Variants in FRYL observed in about 807,000 individuals in gnomAD.
FRYL encodes the protein FRY like transcription coactivator.
Under a neutral mutation model 351.2 loss-of-function variants are expected in FRYL, and 150 were observed. That is an observed-to-expected ratio of 0.43 (90% CI 0.37 to 0.49). The LOEUF (loss-of-function observed/expected upper bound fraction) is 0.49, where lower values mean the gene tolerates loss of function less well. Among genes scored for constraint, FRYL ranks in the 20% least tolerant of loss-of-function variants. FRYL has a pLI of 0.00. For synonymous variants in FRYL, 1,153 were observed against 1,257.1 expected, an observed-to-expected ratio of 0.92 and a Z score of 1.75; for missense variants, 3,036 against 3,619.3, an observed-to-expected ratio of 0.84 and a Z score of 4.13.
intron 52 of FRYL, 103 bp downstream of exon 52, chr4:48,527,868 C>G: frequency 9.5e-7 from 1 of 1,058,018 alleles, no homozygotes; most frequent in South Asian, 1.7e-5. Context: ...GAGTTAATAC[C>G]GTAAGTAAGG....
intron 1 of FRYL, among the ~76,000 whole-genome samples, chr4:48,739,694 G>A (rs1018980510): frequency 6.6e-6 from 1 of 152,154 alleles, no homozygotes; most frequent in Non-Finnish European, 1.5e-5. Context: ...CCAAAGGCAG[G>A]AAACTGATAA....
chr4:48,606,288 AT>A, intron 10 of FRYL, 149 bp downstream of exon 10: 2 of 469,492 alleles, frequency 4.3e-6, no homozygotes, highest in Non-Finnish European at 7.2e-6. Context: ...AAAAAAAAAA[AT>A]TAATTTACAC....
At chr4:48,581,146 C>T (rs950484054) in intron 21 of FRYL, among the ~76,000 whole-genome samples, 195 bp from the exon 22 acceptor site, 4 of 151,468 alleles carry the variant, frequency 2.6e-5, no homozygotes, top group Non-Finnish European at 4.4e-5. Context: ...CCTGGGTTCA[C>T]GCCATTCTCC....
chr4:48,567,274 A>C lies in FRYL; in HGVS notation c.3143T>G (p.Val1048Gly). 6.2e-7 allele frequency: 1 copy of C among 1,611,638 alleles called. No homozygotes were observed. The highest frequency in any genetic ancestry group is 8.5e-7 in the Non-Finnish European group (1 of 1,179,282). ...TGGAACATTCTGAATAATATTCGCC[A>C]CTAAGGCACTAAAATGGCATCGTAT... is the stretch of plus-strand genomic sequence containing the variant. The part of the protein sequence containing the change: ...KDIRCHFSAL[V>G]ANIIQNVPVH... The change falls in exon 28 of 64, where the codon GTG becomes GGG. Residue 1048 changes from valine to glycine, a missense_variant. Physicochemically the swap from Val to Gly is moderately radical, Grantham distance 109. Coordinates refer to ENST00000358350, the MANE Select transcript of FRYL (RefSeq NM_015030.2). This position sits in a 1 kb window ranked among gnomAD's most constrained non-coding sequence, Gnocchi z 4.2.
In FRYL at chr4:48,567,196, A is replaced by G. The variant is rs1736975595; in HGVS notation, c.3169+52T>C. ...TTATTAAACCTCAAGGAAAGAAAAA[A>G]TATGACGGTTCCTTAATACTCAATA... On this transcript the variant is annotated intron_variant, in intron 28 of 63. Coordinates refer to ENST00000358350, the MANE Select transcript of FRYL (RefSeq NM_015030.2). This position sits in a 1 kb window ranked among gnomAD's most constrained non-coding sequence, Gnocchi z 4.2. 6 of 1,454,518 alleles carry G rather than the reference A, an allele frequency of 4.1e-6. No individual in the cohort carries two copies. The highest frequency in any genetic ancestry group is 5.6e-6 in the Non-Finnish European group (6 of 1,075,104). 90.1% of individuals were successfully genotyped at this position (1,454,518 alleles called of 1,614,324 possible). A position where few individuals can be genotyped will look rare whatever the true frequency, so the allele number is the denominator to read the frequency against.
chr4:48,507,718 T>TGAC (rs1721534444), intron 59 of FRYL, among the ~76,000 whole-genome samples: 2 of 124,850 alleles, frequency 1.6e-5, no homozygotes, highest in African/African-American at 3.0e-5. Context: ...AGATAGATGA[T>TGAC]AGATAGATAG....
At chr4:48,711,883 G>A (rs937404268) in intron 1 of FRYL, among the ~76,000 whole-genome samples, 7 of 152,140 alleles carry the variant, frequency 4.6e-5, no homozygotes, top group African/African-American at 1.2e-4. Flanking sequence ...CCAGAGGAAC[G>A]ATCAGACAGC....
intron 3 of FRYL, chr4:48,653,861 T>C (rs1758229857): frequency 7.8e-7 from 1 of 1,286,422 alleles, no homozygotes; most frequent in African/African-American, 1.5e-5. Flanking sequence ...GCAGCGGTTT[T>C]GCCGTTCTGT....
At position 48,659,372 on chromosome 4, in the gene FRYL, GAGA is replaced by G. The variant is rs142759535; in HGVS notation, c.-80-24885_-80-24883del. On this transcript the variant is annotated intron_variant, in intron 3 of 63. Transcript: ENST00000358350. ...TTGTCTCAAAACAAAAAAAAAGAGAGAGAAGAAGAAGGAGAAGGAGAAGAAGGA... is the reference window on the plus strand; with the variant it reads ...TTGTCTCAAAACAAAAAAAAAGAGAGAGAAGAAGGAGAAGGAGAAGAAGGA... Among the ~76,000 whole-genome samples, 3 of 3,520 alleles carry G rather than the reference GAGA, an allele frequency of 8.5e-4. 1 individual carries two copies. The highest frequency in any genetic ancestry group is 1.4e-3 in the African/African-American group (3 of 2,122). The allele number at this position is 3,520 out of a possible 152,430, so 2.3% of individuals were successfully genotyped here.
chr4:48,762,967 C>A (rs1299100945), intron 1 of FRYL, among the ~76,000 whole-genome samples: 1 of 151,978 alleles, frequency 6.6e-6, no homozygotes, highest in Non-Finnish European at 1.5e-5. Flanking sequence ...ACCTTTTATA[C>A]TATTCTCCAG....
At chr4:48,736,206 C>T (rs1354319296) in intron 1 of FRYL, among the ~76,000 whole-genome samples, 2 of 151,856 alleles carry the variant, frequency 1.3e-5, no homozygotes, top group Non-Finnish European at 2.9e-5. Flanking sequence ...CTGTGGGATG[C>T]AACAAATGAA....
In FRYL at chr4:48,510,080, C is replaced by T. The variant is rs775548133; in HGVS notation, c.8373G>A (p.Val2791=). 1.2e-6 allele frequency: 2 copies of T among 1,613,010 alleles called. No homozygotes were observed. Among genetic ancestry groups the T allele is most frequent in the Non-Finnish European group, 1.7e-6 (2 of 1,179,122 alleles). ...TGACCTGCTCAGCGGCTTCTCTTTT[C>T]ACATTGTATGTATCCAGGTGTTCTT... is the stretch of plus-strand genomic sequence containing the variant. ...ELQEHLDTYN[V]KREAAEQWLD... Residue 2791 remains valine, a synonymous_variant, in exon 59 of 64, where the codon GTG becomes GTA. Coordinates refer to ENST00000358350, the MANE Select transcript of FRYL (RefSeq NM_015030.2).
intron 3 of FRYL, among the ~76,000 whole-genome samples, chr4:48,642,244 C>G (rs1286691670): frequency 6.6e-6 from 1 of 152,134 alleles, no homozygotes; most frequent in African/African-American, 2.4e-5. Flanking sequence ...GTCACTCATA[C>G]TTTCAAGCTT....
intron 55 of FRYL, among the ~76,000 whole-genome samples, chr4:48,519,628 G>A (rs767565778): frequency 7.2e-4 from 109 of 151,686 alleles, no homozygotes; most frequent in Non-Finnish European, 1.3e-3. Flanking sequence ...TCAGCCTCCC[G>A]AGTAGATGGG....
At chr4:48,681,546 C>CT (rs1477047071) in intron 3 of FRYL, among the ~76,000 whole-genome samples, 1 of 152,114 alleles carries the variant, frequency 6.6e-6, no homozygotes, top group African/African-American at 2.4e-5. Context: ...AAAACAGCAA[C>CT]TTGTATTCAA....
At chr4:48,734,679 T>A (rs1346143468) in intron 1 of FRYL, among the ~76,000 whole-genome samples, 2 of 152,164 alleles carry the variant, frequency 1.3e-5, no homozygotes, top group South Asian at 2.1e-4. Flanking sequence ...AGAATAAAAA[T>A]ACGTTTAAAT....
intron 23 of FRYL, among the ~76,000 whole-genome samples, chr4:48,576,605 C>T (rs1284186371): frequency 6.6e-6 from 1 of 152,056 alleles, no homozygotes; most frequent in Non-Finnish European, 1.5e-5. Context: ...CATGCCTGGC[C>T]TAATGCTAAT....
At chr4:48,654,244 A>G (rs1348893211) in intron 3 of FRYL, among the ~76,000 whole-genome samples, 1 of 151,896 alleles carries the variant, frequency 6.6e-6, no homozygotes, top group Non-Finnish European at 1.5e-5. Flanking sequence ...TTTAAAAAAT[A>G]AATAAATTAG....
intron 2 of FRYL, among the ~76,000 whole-genome samples, chr4:48,688,603 C>T (rs920588916): frequency 2.0e-5 from 3 of 150,526 alleles, no homozygotes; most frequent in Non-Finnish European, 4.4e-5. Context: ...TTGACAAATG[C>T]TATAATTTTT....
Sources: allele counts gnomAD v4.1 joint callset (sites outside exome capture counted in the v4.1 genomes callset), GRCh38; gene constraint gnomAD v4.1.1; non-coding constraint Gnocchi (gnomAD v3.1); transcripts MANE v1.5; gene names NCBI Gene and HGNC (gene_info 2026-07-23, HGNC 2026-07-21).